PTPRD: variants seen among roughly 807,000 people sequenced by gnomAD.
PTPRD encodes receptor-type tyrosine-protein phosphatase delta.
A neutral mutation model predicts 214.5 loss-of-function variants in PTPRD; 34 were observed. That is an observed-to-expected ratio of 0.16 (90% confidence interval 0.12 to 0.21). The LOEUF is 0.21. Ranked by LOEUF, PTPRD falls within the 10% of genes least tolerant of loss-of-function variation. The pLI is 1.00. For missense variants in PTPRD, 2,545 were observed against 2,398.7 expected (o/e 1.06, Z -1.27); for synonymous variants, 1,128 against 845.7 (o/e 1.33, Z -5.79).
rs577606772 is a variant in PTPRD, at chr9:9,150,058, C to T, written c.-143+33246G>A. 5.3e-5 allele frequency among the ~76,000 whole-genome samples: 8 copies of T among 152,224 alleles called. No individual in the cohort carries two copies. The South Asian group carries it at 8.3e-4, about 16-fold the overall frequency. On this transcript the variant is annotated intron_variant, in intron 10 of 45. Transcript: ENST00000381196. ...TGCCCATCACCTAAGCAATTGTCACCGGAGTCCCTAACATGTGACGCTATT... is the reference window on the plus strand; with the variant it reads ...TGCCCATCACCTAAGCAATTGTCACTGGAGTCCCTAACATGTGACGCTATT...
intron 11 of PTPRD, among the ~76,000 whole-genome samples, chr9:8,921,898 G>A (rs1481001057): frequency 6.6e-6 from 1 of 152,130 alleles, no homozygotes; most frequent in African/African-American, 2.4e-5. Context: ...AAGTGCATTG[G>A]AATGGATGAG....
chr9:10,249,179 T>C (rs2092534548), intron 3 of PTPRD, among the ~76,000 whole-genome samples: 1 of 152,110 alleles, frequency 6.6e-6, no homozygotes, highest in Admixed American at 6.6e-5. Context: ...CATCCTATAC[T>C]TGCACTGGGA....
chr9:9,584,252 C>G (rs16929813), intron 7 of PTPRD, among the ~76,000 whole-genome samples: 3,318 of 151,472 alleles, frequency 0.022, 135 homozygotes, highest in African/African-American at 0.075. Flanking sequence ...TTAATCTCCC[C>G]TCACTCAAAT....
intron 4 of PTPRD, among the ~76,000 whole-genome samples, chr9:9,942,997 T>A (rs1399762675): frequency 6.6e-6 from 1 of 151,926 alleles, no homozygotes; most frequent in East Asian, 1.9e-4. Context: ...CTGGTGGCAT[T>A]CTGCTCCATT....
At chr9:9,092,160 T>C (rs542266948) in intron 10 of PTPRD, among the ~76,000 whole-genome samples, 1 of 152,332 alleles carries the variant, frequency 6.6e-6, no homozygotes, top group African/African-American at 2.4e-5. Flanking sequence ...CTCATTTTCA[T>C]GTTCTCTTCT....
At chr9:9,980,281 A>C (rs1007400183) in intron 4 of PTPRD, among the ~76,000 whole-genome samples, 1 of 152,028 alleles carries the variant, frequency 6.6e-6, no homozygotes, top group African/African-American at 2.4e-5. Flanking sequence ...TACTTGTAAT[A>C]TATAAACATA....
chr9:10,483,781 G>A (rs1008744497), intron 2 of PTPRD, among the ~76,000 whole-genome samples: 1 of 152,090 alleles, frequency 6.6e-6, no homozygotes, highest in Non-Finnish European at 1.5e-5. Flanking sequence ...AACAATAGAT[G>A]TTGGCACGGA....
chr9:9,031,098 C>G (rs1380598973), intron 10 of PTPRD, among the ~76,000 whole-genome samples: 1 of 151,884 alleles, frequency 6.6e-6, no homozygotes, highest in Non-Finnish European at 1.5e-5. Flanking sequence ...TGATGACCAT[C>G]TTGGTAGAAT....
At chr9:9,901,888 C>T (rs2076486271) in intron 5 of PTPRD, among the ~76,000 whole-genome samples, 1 of 152,150 alleles carries the variant, frequency 6.6e-6, no homozygotes, top group Non-Finnish European at 1.5e-5. Flanking sequence ...TCTCAAAAGA[C>T]TAGATCTTGC....
At chr9:8,338,900 G>A (rs1162142483) in intron 43 of PTPRD, 22 bp downstream of exon 43, 6 of 1,593,602 alleles carry the variant, frequency 3.8e-6, no homozygotes, top group African/African-American at 1.3e-5. Context: ...ATGGTTAAGA[G>A]TTGAAGACTG....
At chr9:10,161,275 A>T (rs2099125730) in intron 3 of PTPRD, among the ~76,000 whole-genome samples, 2 of 151,892 alleles carry the variant, frequency 1.3e-5, no homozygotes, top group Non-Finnish European at 3.0e-5. Flanking sequence ...AACAAAAAGA[A>T]CAAAGCATCA....
intron 9 of PTPRD, among the ~76,000 whole-genome samples, chr9:9,339,596 T>C (rs926883449): frequency 1.3e-5 from 2 of 152,334 alleles, no homozygotes; most frequent in South Asian, 2.1e-4. Context: ...ATAACACATA[T>C]TTACTGAATA....
intron 2 of PTPRD, among the ~76,000 whole-genome samples, chr9:10,599,592 G>C (rs1230822304): frequency 6.6e-6 from 1 of 151,762 alleles, no homozygotes; most frequent in Non-Finnish European, 1.5e-5. Flanking sequence ...AATAGGCAAA[G>C]AACCACTGTT....
At chr9:8,859,701 C>T in intron 11 of PTPRD, among the ~76,000 whole-genome samples, 1 of 151,968 alleles carries the variant, frequency 6.6e-6, no homozygotes, top group Non-Finnish European at 1.5e-5. Context: ...CTGAAAGCCA[C>T]CGAAGGATTG....
intron 3 of PTPRD, among the ~76,000 whole-genome samples, chr9:10,045,124 G>C (rs534010450): frequency 1.3e-5 from 2 of 151,690 alleles, no homozygotes; most frequent in Non-Finnish European, 3.0e-5. Context: ...GAACTAATTT[G>C]CTCATCCTGT....
intron 9 of PTPRD, among the ~76,000 whole-genome samples, chr9:9,203,794 C>G (rs919441082): frequency 6.6e-6 from 1 of 151,852 alleles, no homozygotes; most frequent in Admixed American, 6.6e-5. Context: ...TGCTTTATAG[C>G]AAAGAAAAAG....
chr9:8,929,761 A>ATATATGTGTATATATATGGGTGTG (rs2098933581), intron 11 of PTPRD, among the ~76,000 whole-genome samples: 1 of 61,416 alleles, frequency 1.6e-5, no homozygotes, highest in African/African-American at 6.1e-5. Flanking sequence ...ATATATGTAT[A>ATATATGTGTATATATATGGGTGTG]TATATGTGTA....
intron 35 of PTPRD, among the ~76,000 whole-genome samples, chr9:8,407,130 A>G (rs374386271): frequency 1.4e-4 from 22 of 152,226 alleles, no homozygotes; most frequent in African/African-American, 5.3e-4. Context: ...TTTAAAAACG[A>G]GTAACAGAAA....
At chr9:8,815,999 C>A (rs1406204801) in intron 11 of PTPRD, among the ~76,000 whole-genome samples, 1 of 152,136 alleles carries the variant, frequency 6.6e-6, no homozygotes, top group Non-Finnish European at 1.5e-5. Flanking sequence ...CAGACATTTA[C>A]CCCATAACAA....
Sources: allele counts gnomAD v4.1 joint callset (sites outside exome capture counted in the v4.1 genomes callset), GRCh38; gene constraint gnomAD v4.1.1; transcripts MANE v1.5; gene names NCBI Gene and HGNC (gene_info 2026-07-23, HGNC 2026-07-21).